Variants in GABRB1 observed in about 807,000 individuals in gnomAD.
GABRB1 encodes gamma-aminobutyric acid receptor subunit beta-1.
In GABRB1, 17 loss-of-function variants were observed where a neutral mutation model predicts 51.6. The observed-to-expected ratio is 0.33, with a 90% CI of 0.23 to 0.49. The LOEUF (loss-of-function observed/expected upper bound fraction) is 0.49. GABRB1 is among the 20% of genes least tolerant of loss of function. The pLI, the probability that GABRB1 is intolerant of heterozygous loss-of-function variation, is 0.99. For synonymous variants in GABRB1, 247 were observed against 218.9 expected (o/e 1.13, Z -1.14); for missense variants, 410 against 600.6 (o/e 0.68, Z 3.32).
At chr4:47,181,994 C>A (rs1718969021) in intron 4 of GABRB1, among the ~76,000 whole-genome samples, 1 of 151,978 alleles carries the variant, frequency 6.6e-6, no homozygotes, top group Non-Finnish European at 1.5e-5. Context: ...TCTTTTCCTG[C>A]AGTATGGTGT....
At chr4:47,145,150 A>G (rs1259583799) in intron 3 of GABRB1, among the ~76,000 whole-genome samples, 1 of 152,026 alleles carries the variant, frequency 6.6e-6, no homozygotes, top group Non-Finnish European at 1.5e-5. Flanking sequence ...TGCAGCAGGT[A>G]TGCCTTAGTG....
intron 8 of GABRB1, among the ~76,000 whole-genome samples, chr4:47,423,450 C>T (rs78650769): frequency 0.015 from 2,236 of 152,264 alleles, 49 homozygotes; most frequent in African/African-American, 0.05. Context: ...TCTTGGTCCC[C>T]GTAGGTGGCT....
chr4:47,273,259 A>T (rs969446959), intron 4 of GABRB1, among the ~76,000 whole-genome samples: 1 of 152,234 alleles, frequency 6.6e-6, no homozygotes, highest in African/African-American at 2.4e-5. Flanking sequence ...CATCTGGAGC[A>T]TCCTAATATG....
intron 5 of GABRB1, among the ~76,000 whole-genome samples, chr4:47,397,362 T>C (rs1341446039): frequency 6.6e-6 from 1 of 152,238 alleles, no homozygotes; most frequent in Non-Finnish European, 1.5e-5. Flanking sequence ...GCCAGCATGA[T>C]TTCTTAAGCT....
intron 3 of GABRB1, among the ~76,000 whole-genome samples, chr4:47,141,187 G>A (rs1207943591): frequency 6.6e-6 from 1 of 151,814 alleles, no homozygotes; most frequent in Non-Finnish European, 1.5e-5. Context: ...GGCCTGTATT[G>A]TGCTTCAGGA....
At chr4:47,186,745 A>C (rs1181512123) in intron 4 of GABRB1, among the ~76,000 whole-genome samples, 1 of 151,922 alleles carries the variant, frequency 6.6e-6, no homozygotes, top group African/African-American at 2.4e-5. Flanking sequence ...AGAGGGCAGT[A>C]TTAATTTCAT....
In GABRB1 at chr4:47,016,585, T is replaced by TTATC. The variant is rs751237431; in HGVS notation, c.-19-15311_-19-15308dup. On this transcript the variant is annotated intron_variant, in intron 1 of 3. Transcript: ENST00000513567. ...ATTATTTATTTATTTATTTATTTAT[T>TTATC]TATCTATCTATCTATCTATCTGAGA... 5.1e-4 allele frequency among the ~76,000 whole-genome samples: 77 copies of TTATC among 151,794 alleles called. 1 individual carries two copies. Among genetic ancestry groups the TTATC allele is most frequent in the African/African-American group, 1.1e-3 (45 of 41,456 alleles).
At chr4:47,280,626 T>C (rs9999619) in intron 4 of GABRB1, among the ~76,000 whole-genome samples, 106,003 of 151,180 alleles carry the variant, frequency 0.7, 38,083 homozygotes, top group East Asian at 0.96. Flanking sequence ...TATCTCACCA[T>C]CCCCCAACAC....
chr4:47,112,240 C>T (rs1397313208), intron 3 of GABRB1, among the ~76,000 whole-genome samples: 1 of 151,998 alleles, frequency 6.6e-6, no homozygotes, highest in Non-Finnish European at 1.5e-5. Flanking sequence ...GTCCTGAATC[C>T]CTACTTAAAG....
chr4:47,377,645 A>T (rs936922649), intron 5 of GABRB1, among the ~76,000 whole-genome samples: 1 of 151,876 alleles, frequency 6.6e-6, no homozygotes, highest in Non-Finnish European at 1.5e-5. Flanking sequence ...CCCCACCCAC[A>T]TCCTGCTGAT....
At chr4:47,017,408 T>G (rs1186360368) in intron 1 of GABRB1, among the ~76,000 whole-genome samples, 1 of 152,200 alleles carries the variant, frequency 6.6e-6, no homozygotes. Flanking sequence ...ATAAACATTT[T>G]CTTAACTGAG....
rs549539110 is a variant in GABRB1, at chr4:47,191,780, T to C, written c.461+30311T>C. Reference sequence around the variant, plus strand: ...GGTCTTATATATTTTAGCATTTCTGTGTAGAAGAGAGGAAGGGACCAGCAA... The same window carrying C: ...GGTCTTATATATTTTAGCATTTCTGCGTAGAAGAGAGGAAGGGACCAGCAA... On this transcript the variant is annotated intron_variant, in intron 4 of 8. Transcript: ENST00000295454. Among the ~76,000 whole-genome samples the C allele has an allele frequency of 3.3e-4, 50 of 152,150 alleles. 1 individual carries two copies. Among genetic ancestry groups the C allele is most frequent in the Non-Finnish European group, 1.5e-5 (1 of 68,006 alleles).
chr4:47,303,667 C>T (rs1005190732), intron 4 of GABRB1, among the ~76,000 whole-genome samples: 13 of 151,836 alleles, frequency 8.6e-5, no homozygotes, highest in African/African-American at 3.1e-4. Context: ...GTACAACATG[C>T]TATTTTGAAA....
chr4:47,034,224 A>G (rs922951514), intron 3 of GABRB1, among the ~76,000 whole-genome samples: 1 of 152,190 alleles, frequency 6.6e-6, no homozygotes, highest in African/African-American at 2.4e-5. Context: ...ATTTTAAAAA[A>G]TATATAATTC....
At chr4:47,216,914 T>C (rs1720576985) in intron 4 of GABRB1, among the ~76,000 whole-genome samples, 1 of 151,892 alleles carries the variant, frequency 6.6e-6, no homozygotes, top group Non-Finnish European at 1.5e-5. Flanking sequence ...TATTGCCACA[T>C]TGTTTTAACA....
intron 3 of GABRB1, among the ~76,000 whole-genome samples, chr4:47,074,101 C>T (rs926025867): frequency 6.6e-6 from 1 of 152,102 alleles, no homozygotes; most frequent in Non-Finnish European, 1.5e-5. Context: ...AAAAACATTG[C>T]TATTTCCAAA....
chr4:47,241,288 A>G (rs1216263301), intron 4 of GABRB1, among the ~76,000 whole-genome samples: 1 of 152,146 alleles, frequency 6.6e-6, no homozygotes, highest in East Asian at 1.9e-4. Flanking sequence ...AGGTGCTAAA[A>G]TGTTGTAGGA....
chr4:47,055,564 G>T (rs1434617994), intron 3 of GABRB1, among the ~76,000 whole-genome samples: 1 of 152,170 alleles, frequency 6.6e-6, no homozygotes, highest in East Asian at 1.9e-4. Flanking sequence ...CTAGTCTGAA[G>T]TTAAACAGAT....
chr4:47,083,258 G>T (rs1174618008), intron 3 of GABRB1, among the ~76,000 whole-genome samples: 1 of 152,076 alleles, frequency 6.6e-6, no homozygotes. Flanking sequence ...ACTCTGTCAA[G>T]CAGGTCATTT....
Sources: gnomAD v4.1 joint callset for allele counts (sites outside exome capture counted in the v4.1 genomes callset) on GRCh38, gnomAD v4.1.1 for gene constraint, MANE v1.5 for transcripts, NCBI Gene and HGNC (gene_info 2026-07-23, HGNC 2026-07-21) for gene names.